The following CSMD3 variants were observed in gnomAD, a reference collection of about 807,000 sequenced individuals.
CSMD3 encodes CUB and Sushi multiple domains 3.
A neutral mutation model predicts 435.2 loss-of-function variants in CSMD3; 177 were observed. The ratio of observed to expected loss-of-function variants is 0.41; its 90% CI spans 0.36 to 0.46. CSMD3 has a LOEUF of 0.46. CSMD3 is among the 20% of genes least tolerant of loss of function. CSMD3 has a pLI of 0.34. For missense variants in CSMD3, 4,265 were observed against 4,504.6 expected, an observed-to-expected ratio of 0.95 and a Z score of 1.52; for synonymous variants, 1,656 against 1,520.5, an observed-to-expected ratio of 1.09 and a Z score of -2.07.
chr8:113,434,837 TAGTC>T (rs1405969310), intron 1 of CSMD3, among the ~76,000 whole-genome samples: 3 of 152,150 alleles, frequency 2.0e-5, no homozygotes, highest in Non-Finnish European at 2.9e-5. Context: ...GGATCAGCGT[TAGTC>T]AGGCTGTAAT....
intron 2 of CSMD3, among the ~76,000 whole-genome samples, chr8:113,307,365 G>T (rs1404315463): frequency 6.6e-6 from 1 of 152,026 alleles, no homozygotes. Context: ...AGAACAAAAT[G>T]AACTTAGACT....
At chr8:113,277,314 T>G (rs574526111) in intron 3 of CSMD3, among the ~76,000 whole-genome samples, 78 of 152,090 alleles carry the variant, frequency 5.1e-4, no homozygotes, top group Admixed American at 2.4e-3. Flanking sequence ...TGGAGGAAAT[T>G]AAGTCTTGGA....
At chr8:112,863,737 C>G (rs1407729063) in intron 10 of CSMD3, among the ~76,000 whole-genome samples, 1 of 151,758 alleles carries the variant, frequency 6.6e-6, no homozygotes, top group Non-Finnish European at 1.5e-5. Flanking sequence ...TTCAATGGAG[C>G]CTTTAGTAAC....
At position 112,322,525 on chromosome 8, in the gene CSMD3, C is replaced by T. The variant is rs368347275; in HGVS notation, c.7166-2544G>A. ...TCCAACTCTACTTCAATAAGAACAA[C>T]TCTATTCTTATCAATTGTATAAATT... On this transcript the variant is annotated intron_variant, in intron 45 of 70. Coordinates refer to ENST00000297405, the MANE Select transcript of CSMD3 (RefSeq NM_198123.2). Among the ~76,000 whole-genome samples, 10 of 152,156 alleles carry T rather than the reference C, an allele frequency of 6.6e-5. No individual in the cohort carries two copies. The East Asian group carries it at 1.4e-3, about 21-fold the overall frequency.
At chr8:112,684,576 A>G (rs1285413563) in intron 15 of CSMD3, among the ~76,000 whole-genome samples, 1 of 152,146 alleles carries the variant, frequency 6.6e-6, no homozygotes, top group Non-Finnish European at 1.5e-5. Flanking sequence ...CTATGGCTTC[A>G]GGTATATTTG....
chr8:112,918,456 C>T (rs1264591223), intron 10 of CSMD3, among the ~76,000 whole-genome samples: 2 of 151,664 alleles, frequency 1.3e-5, no homozygotes, highest in African/African-American at 4.8e-5. Flanking sequence ...TTTCTTCAGT[C>T]TATTATTATT....
At chr8:112,333,677 C>T (rs1824289314) in intron 45 of CSMD3, among the ~76,000 whole-genome samples, 2 of 151,866 alleles carry the variant, frequency 1.3e-5, no homozygotes, top group Admixed American at 6.6e-5. Context: ...CATACACACA[C>T]ACACACACAC....
chr8:113,341,230 C>T (rs1386570731), intron 1 of CSMD3, among the ~76,000 whole-genome samples: 1 of 151,984 alleles, frequency 6.6e-6, no homozygotes, highest in Non-Finnish European at 1.5e-5. Context: ...CAAAGCCTCT[C>T]GTAGCTATTT....
chr8:112,341,652 T>A lies in CSMD3; in HGVS notation c.6477A>T (p.Glu2159Asp). 6.2e-7 allele frequency: 1 copy of A among 1,612,648 alleles called. No individual in the cohort carries two copies. The highest frequency in any genetic ancestry group is 8.5e-7 in the Non-Finnish European group (1 of 1,178,736). The change falls in exon 42 of 71, where the codon GAA (glutamate) becomes GAT (aspartate). Residue 2159 changes from glutamate (E) to aspartate (D), a missense_variant. Physicochemically the swap from Glu to Asp is conservative, Grantham distance 45. Transcript: ENST00000297405. ...GTACTTCCAAATAATCATGTATGGTTTCTGTAGAAAAATTTACAAACTGGA... is the reference window on the plus strand; with the variant it reads ...GTACTTCCAAATAATCATGTATGGTATCTGTAGAAAAATTTACAAACTGGA... ...VHLQFVNFST[E>D]TIHDYLEVRS...
chr8:112,930,485 A>C (rs2083070603), intron 9 of CSMD3, among the ~76,000 whole-genome samples: 1 of 152,118 alleles, frequency 6.6e-6, no homozygotes, highest in African/African-American at 2.4e-5. Flanking sequence ...GTTAAAGTCA[A>C]ATCCACCTCA....
At chr8:112,468,606 C>T (rs542661960) in intron 32 of CSMD3, among the ~76,000 whole-genome samples, 54 of 151,866 alleles carry the variant, frequency 3.6e-4, no homozygotes, top group South Asian at 1.7e-3. Context: ...GTTATCTATA[C>T]GAAATGAAAA....
chr8:112,608,353 G>A (rs1258863762), intron 22 of CSMD3, among the ~76,000 whole-genome samples: 1 of 152,012 alleles, frequency 6.6e-6, no homozygotes, highest in Non-Finnish European at 1.5e-5. Flanking sequence ...TAATATTGTA[G>A]AAATACCTAT....
chr8:112,847,649 T>A (rs1333214710), intron 11 of CSMD3, among the ~76,000 whole-genome samples: 1 of 152,162 alleles, frequency 6.6e-6, no homozygotes, highest in Admixed American at 6.5e-5. Context: ...TGACTCTCTA[T>A]GCCTGGCTGA....
rs189417955 is a variant in CSMD3 at position 112,699,420 on chromosome 8, C to A, written c.1973-9370G>T. On this transcript the variant is annotated intron_variant, in intron 13 of 70. Transcript: ENST00000297405. ...AAGACCTAGAACCCACCGGAAGGAA[C>A]CAATTCCGAACACAGAGGGACAGTT... 2.0e-5 allele frequency among the ~76,000 whole-genome samples: 3 copies of A among 152,184 alleles called. No homozygotes were observed. The East Asian group carries it at 5.8e-4, about 30-fold the overall frequency.
rs965474060 is a variant in CSMD3 at position 113,220,849 on chromosome 8, T to C, written c.515-46933A>G. On this transcript the variant is annotated intron_variant, in intron 3 of 70. Transcript: ENST00000297405. ...GCCACTAAGGGATCTATGTACACTA[T>C]ATGCCTTCTGATGCGGAACACTTAT... Among the ~76,000 whole-genome samples, 4 of 151,554 alleles carry C rather than the reference T, an allele frequency of 2.6e-5. No homozygotes were observed. The East Asian group carries it at 5.8e-4, about 22-fold the overall frequency.
intron 3 of CSMD3, among the ~76,000 whole-genome samples, chr8:113,177,727 G>A (rs903705344): frequency 4.0e-5 from 6 of 151,830 alleles, no homozygotes; most frequent in African/African-American, 1.4e-4. Flanking sequence ...TAAGTTTACT[G>A]CTCTAGGCAT....
chr8:112,841,408 GC>G (rs1329034208), intron 11 of CSMD3, among the ~76,000 whole-genome samples: 3 of 151,626 alleles, frequency 2.0e-5, no homozygotes, highest in Non-Finnish European at 1.5e-5. Flanking sequence ...CATAATATTG[GC>G]TGAAAAATCA....
chr8:113,173,959 AAGCAGTTTATTGTTTTAGATGT>A, intron 3 of CSMD3, 43 bp from the exon 4 acceptor site: 1 of 1,410,128 alleles, frequency 7.1e-7, no homozygotes, highest in Non-Finnish European at 1.0e-6. Flanking sequence ...TTATTTCAAT[AAGCAGTTTATTGTTTTAGATGT>A]ATAAAATTAT....
chr8:113,353,363 T>C (rs2094202259), intron 1 of CSMD3, among the ~76,000 whole-genome samples: 3 of 152,132 alleles, frequency 2.0e-5, no homozygotes, highest in Admixed American at 6.5e-5. Context: ...GTAGAGAGAA[T>C]GGTAGATAAA....
Sources: gnomAD v4.1 joint callset for allele counts (sites outside exome capture counted in the v4.1 genomes callset) on GRCh38, gnomAD v4.1.1 for gene constraint, MANE v1.5 for transcripts, NCBI Gene and HGNC (gene_info 2026-07-23, HGNC 2026-07-21) for gene names.